ERBB4: variants seen among roughly 807,000 people sequenced by gnomAD.
The protein encoded by ERBB4 is receptor tyrosine-protein kinase erbB-4.
Under a neutral mutation model 158.0 loss-of-function variants are expected in ERBB4, and 42 were observed. The ratio of observed to expected loss-of-function variants is 0.27; its 90% CI spans 0.21 to 0.34. The LOEUF is 0.34. Ranked by LOEUF, ERBB4 falls within the 10% of genes least tolerant of loss-of-function variation. The pLI is 1.00. For missense variants in ERBB4, 1,333 were observed against 1,624.1 expected (o/e 0.82, Z 3.08); for synonymous variants, 583 against 558.7 (o/e 1.04, Z -0.61).
intron 5 of ERBB4, among the ~76,000 whole-genome samples, chr2:211,738,361 G>GTTTTGTTT (rs1559473744): frequency 7.4e-6 from 1 of 135,438 alleles, no homozygotes; most frequent in Non-Finnish European, 1.6e-5. Context: ...CTTTGTTTTT[G>GTTTTGTTT]TTTTTTTTTT....
intron 1 of ERBB4, among the ~76,000 whole-genome samples, chr2:212,502,013 T>C (rs1366860800): frequency 6.6e-6 from 1 of 152,042 alleles, no homozygotes; most frequent in East Asian, 1.9e-4. Flanking sequence ...AAGATTATTT[T>C]ATATACAAAA....
At chr2:211,967,575 T>G (rs1462342332) in intron 2 of ERBB4, among the ~76,000 whole-genome samples, 1 of 151,930 alleles carries the variant, frequency 6.6e-6, no homozygotes, top group Admixed American at 6.6e-5. Flanking sequence ...ATGACTTTAA[T>G]AAAAATCCAA....
rs988777486 is a variant in ERBB4, at chr2:211,382,055, A to C, written c.*1560T>G. ...AGAAAGGGAATTATATAAAGTATCAAAAGATTAGTGTGTTGGATAATAAAA... is the reference window on the plus strand; with the variant it reads ...AGAAAGGGAATTATATAAAGTATCACAAGATTAGTGTGTTGGATAATAAAA... On this transcript the variant is annotated 3_prime_UTR_variant, in exon 28 of 28. Coordinates refer to ENST00000342788, the MANE Select transcript of ERBB4 (RefSeq NM_005235.3). 1 of 229,556 alleles carries C rather than the reference A, an allele frequency of 4.4e-6. No individual in the cohort carries two copies. The highest frequency in any genetic ancestry group is 5.7e-5 in the Admixed American group (1 of 17,662). The allele number at this position is 229,556 out of a possible 1,614,324, so 14.2% of individuals were successfully genotyped here. A position where few individuals can be genotyped will look rare whatever the true frequency, so the allele number is the denominator to read the frequency against.
intron 2 of ERBB4, among the ~76,000 whole-genome samples, chr2:212,067,454 G>C (rs2077978471): frequency 6.6e-6 from 1 of 151,944 alleles, no homozygotes; most frequent in Admixed American, 6.6e-5. Context: ...GATTAAGTTA[G>C]ATCCTGAATT....
At chr2:211,707,243 A>T (rs2073481826) in intron 9 of ERBB4, among the ~76,000 whole-genome samples, 1 of 152,176 alleles carries the variant, frequency 6.6e-6, no homozygotes, top group African/African-American at 2.4e-5. Context: ...TTATACAGTT[A>T]ATTTTAGAGA....
At chr2:211,541,814 A>G (rs1049461123) in intron 20 of ERBB4, among the ~76,000 whole-genome samples, 2 of 152,032 alleles carry the variant, frequency 1.3e-5, no homozygotes, top group Admixed American at 1.3e-4. Context: ...AACTCTTACT[A>G]TGTAACGAGC....
At chr2:211,893,946 CTT>C (rs1000547212) in intron 3 of ERBB4, among the ~76,000 whole-genome samples, 3 of 126,180 alleles carry the variant, frequency 2.4e-5, no homozygotes, top group African/African-American at 9.8e-5. Flanking sequence ...AATAGGAACA[CTT>C]TGACACTGTT....
intron 7 of ERBB4, among the ~76,000 whole-genome samples, chr2:211,714,539 C>T (rs1234444686): frequency 2.0e-5 from 3 of 152,166 alleles, no homozygotes; most frequent in Admixed American, 6.5e-5. Context: ...ATATTGGAAG[C>T]ATCTATAGTG....
intron 5 of ERBB4, among the ~76,000 whole-genome samples, chr2:211,736,695 C>T (rs1170123660): frequency 6.6e-6 from 1 of 152,092 alleles, no homozygotes; most frequent in Admixed American, 6.6e-5. Flanking sequence ...GCCTTATCTT[C>T]AGAATTGTGC....
chr2:212,357,342 G>C (rs2089500462), intron 1 of ERBB4, among the ~76,000 whole-genome samples: 1 of 151,770 alleles, frequency 6.6e-6, no homozygotes, highest in Admixed American at 6.6e-5. Flanking sequence ...TCAAAGAAAA[G>C]TGCTCAAGTG....
intron 2 of ERBB4, among the ~76,000 whole-genome samples, chr2:212,015,096 AT>A: frequency 1.4e-5 from 1 of 71,578 alleles, no homozygotes; most frequent in African/African-American, 6.3e-5. Context: ...ATATATATAT[AT>A]ATATATATAT....
At chr2:212,060,895 C>T (rs1475846746) in intron 2 of ERBB4, among the ~76,000 whole-genome samples, 3 of 150,038 alleles carry the variant, frequency 2.0e-5, no homozygotes, top group Admixed American at 1.3e-4. Context: ...ACCAACATGG[C>T]GCCTGTATAC....
chr2:211,613,565 T>C (rs1028736268), intron 19 of ERBB4, among the ~76,000 whole-genome samples: 1 of 151,936 alleles, frequency 6.6e-6, no homozygotes, highest in South Asian at 2.1e-4. Flanking sequence ...AACAATTCTA[T>C]ACGAAAAAAA....
At chr2:211,411,432 G>GA (rs929081275) in intron 25 of ERBB4, among the ~76,000 whole-genome samples, 8 of 152,140 alleles carry the variant, frequency 5.3e-5, no homozygotes, top group African/African-American at 1.9e-4. Flanking sequence ...AGCTTGGAAG[G>GA]ACAAATGAAT....
chr2:211,875,527 T>C (rs767650948), intron 3 of ERBB4, among the ~76,000 whole-genome samples: 1 of 152,188 alleles, frequency 6.6e-6, no homozygotes, highest in Non-Finnish European at 1.5e-5. Context: ...ACTGCACATA[T>C]GATGGTGGTC....
chr2:211,430,620 T>C (rs1172851351), intron 21 of ERBB4, among the ~76,000 whole-genome samples: 1 of 152,160 alleles, frequency 6.6e-6, no homozygotes, highest in Non-Finnish European at 1.5e-5. Flanking sequence ...TAAAGTTTAA[T>C]TTCTAGAAGC....
chr2:212,240,403 T>C (rs957653771), intron 1 of ERBB4, among the ~76,000 whole-genome samples: 4 of 151,642 alleles, frequency 2.6e-5, no homozygotes, highest in Admixed American at 6.6e-5. Flanking sequence ...TCAAAGCACC[T>C]TGGGAAGCCG....
At chr2:211,440,635 C>CTGAT (rs1285705929) in intron 20 of ERBB4, among the ~76,000 whole-genome samples, 1 of 152,124 alleles carries the variant, frequency 6.6e-6, no homozygotes, top group Non-Finnish European at 1.5e-5. Flanking sequence ...CCTTCTTAAG[C>CTGAT]TGATTATATC....
chr2:211,593,056 C>T (rs1413262173), intron 19 of ERBB4, among the ~76,000 whole-genome samples: 1 of 150,406 alleles, frequency 6.6e-6, no homozygotes, highest in East Asian at 1.9e-4. Flanking sequence ...AAGGGGCTTG[C>T]TCCATCTTGG....
Sources: allele counts gnomAD v4.1 joint callset (sites outside exome capture counted in the v4.1 genomes callset), GRCh38; gene constraint gnomAD v4.1.1; transcripts MANE v1.5; gene names NCBI Gene and HGNC (gene_info 2026-07-23, HGNC 2026-07-21).